The following COPB2 variants were observed in gnomAD, a reference collection of about 807,000 sequenced individuals.
COPB2 encodes coat protein complex I subunit beta 2.
In COPB2, 16 loss-of-function variants were observed where a neutral mutation model predicts 120.8. The observed-to-expected ratio is 0.13, with a 90% CI of 0.09 to 0.20. The LOEUF (loss-of-function observed/expected upper bound fraction) is 0.20, where lower values mean the gene tolerates loss of function less well. Ranked by LOEUF, COPB2 falls within the 10% of genes least tolerant of loss-of-function variation. The pLI, the probability that COPB2 is intolerant of heterozygous loss-of-function variation, is 1.00. For synonymous variants in COPB2, 332 were observed against 366.3 expected (o/e 0.91, Z 1.07); for missense variants, 794 against 1,076.5 (o/e 0.74, Z 3.67).
At chr3:139,380,424 T>C (rs1941789455) in intron 2 of COPB2, 1 of 152,198 alleles carries the variant, frequency 6.6e-6, no homozygotes, top group Admixed American at 6.5e-5. Context: ...TAATAAAATA[T>C]GAAAACACCG....
rs572974540 is a variant in COPB2 at position 139,363,836 on chromosome 3, C to T, written c.1885-1319G>A. On this transcript the variant is annotated intron_variant, in intron 15 of 21. Transcript: ENST00000333188. ...ACCCGCCCCGATCCATCCATGAATA[C>T]GATGTAAATAAGGCATTCTAAATAA... Among the ~76,000 whole-genome samples, 7 of 152,184 alleles carry T rather than the reference C, an allele frequency of 4.6e-5. No homozygotes were observed. The South Asian group carries it at 6.2e-4, about 14-fold the overall frequency.
intron 4 of COPB2, among the ~76,000 whole-genome samples, chr3:139,378,541 A>C (rs1941756715): frequency 6.6e-6 from 1 of 152,250 alleles, no homozygotes; most frequent in African/African-American, 2.4e-5. Context: ...TGTAGAGAAC[A>C]AGCATTTGCC....
chr3:139,375,020 T>C (rs372142703), intron 6 of COPB2, among the ~76,000 whole-genome samples: 2 of 152,342 alleles, frequency 1.3e-5, no homozygotes, highest in East Asian at 3.9e-4. Context: ...TTTTATTAAT[T>C]GCTTATGGGA....
At chr3:139,375,738 AT>A in intron 5 of COPB2, 124 bp from the exon 6 acceptor site, 2 of 1,185,242 alleles carry the variant, frequency 1.7e-6, no homozygotes, top group Non-Finnish European at 2.2e-6. Flanking sequence ...ATCAAATTTT[AT>A]TTTTTATCCT....
chr3:139,389,044 C>T, intron 1 of COPB2, among the ~76,000 whole-genome samples: 1 of 152,156 alleles, frequency 6.6e-6, no homozygotes, highest in East Asian at 1.9e-4. Flanking sequence ...CCCTTAGAAA[C>T]CTAACAGCTG....
intron 6 of COPB2, among the ~76,000 whole-genome samples, chr3:139,375,026 T>C (rs1941689678): frequency 6.6e-6 from 1 of 152,178 alleles, no homozygotes; most frequent in Non-Finnish European, 1.5e-5. Context: ...TAATTGCTTA[T>C]GGGAACTTTT....
At chr3:139,366,870 T>A (rs760876074) in intron 14 of COPB2, 95 bp from the exon 15 acceptor site, 420 of 1,490,498 alleles carry the variant, frequency 2.8e-4, no homozygotes, top group Non-Finnish European at 3.6e-4. Flanking sequence ...ACCTTCCCAT[T>A]TGATTGACAC....
At chr3:139,358,171 G>A in intron 21 of COPB2, 29 bp downstream of exon 21, 1 of 1,592,004 alleles carries the variant, frequency 6.3e-7, no homozygotes, top group Non-Finnish European at 8.6e-7. Context: ...ATGGGGTAGA[G>A]GGAGGTTTGA....
intron 1 of COPB2, among the ~76,000 whole-genome samples, chr3:139,387,506 C>A (rs1369578685): frequency 6.6e-6 from 1 of 152,122 alleles, no homozygotes; most frequent in Non-Finnish European, 1.5e-5. Flanking sequence ...TTCTAGTTAC[C>A]CTAGCCTGAA....
chr3:139,360,219 GAGA>G (rs756467506), intron 17 of COPB2, among the ~76,000 whole-genome samples: 10 of 150,750 alleles, frequency 6.6e-5, no homozygotes, highest in Admixed American at 3.3e-4. Flanking sequence ...CAGTATGTAG[GAGA>G]AGGTTAAAGA....
chr3:139,359,451 C>A, intron 17 of COPB2, 89 bp from the exon 18 acceptor site: 1 of 1,160,256 alleles, frequency 8.6e-7, no homozygotes, highest in East Asian at 2.4e-5. Flanking sequence ...TGTTACAAAG[C>A]CAAAAATCTC....
intron 4 of COPB2, among the ~76,000 whole-genome samples, chr3:139,378,709 A>G (rs918479471): frequency 6.6e-6 from 1 of 152,254 alleles, no homozygotes; most frequent in Non-Finnish European, 1.5e-5. Context: ...TAGTTTGAAT[A>G]TAAAGATTGA....
In COPB2 at chr3:139,364,658, T is replaced by C. The variant is rs879802990; in HGVS notation, c.1884+1910A>G. Among the ~76,000 whole-genome samples, 4 of 152,212 alleles carry C rather than the reference T, an allele frequency of 2.6e-5. No individual in the cohort carries two copies. The East Asian group carries it at 5.8e-4, about 22-fold the overall frequency. On this transcript the variant is annotated intron_variant, in intron 15 of 21. Coordinates refer to ENST00000333188, the MANE Select transcript of COPB2 (RefSeq NM_004766.3). ...TGCCTAGCACATTGTTAAGTGCTTG[T>C]TAAATTCATTACATAAATGGAAAGT...
intron 2 of COPB2, 64 bp downstream of exon 2, chr3:139,383,234 C>T (rs888467480): frequency 6.4e-7 from 1 of 1,563,034 alleles, no homozygotes; most frequent in Non-Finnish European, 8.8e-7. Flanking sequence ...TATTTCTTCT[C>T]TTTCATTATA....
chr3:139,375,366 T>C, intron 6 of COPB2, 102 bp downstream of exon 6: 1 of 1,174,248 alleles, frequency 8.5e-7, no homozygotes, highest in East Asian at 2.5e-5. Context: ...CCTTAAGTTA[T>C]TATGCTGTGA....
In COPB2 at chr3:139,369,491, T is replaced by C; in HGVS notation, c.1259A>G (p.Glu420Gly). The C allele has an allele frequency of 1.2e-6, 2 of 1,612,534 alleles. No homozygotes were observed. Among genetic ancestry groups the C allele is most frequent in the Non-Finnish European group, 1.7e-6 (2 of 1,179,240 alleles). Residue 420 changes from glutamate to glycine, a missense_variant, in exon 11 of 22, where the codon GAA becomes GGA. Transcript: ENST00000333188. Reference protein sequence around the residue: ...SIVKIFKNFKEKKSFKPDFGA... With the variant: ...SIVKIFKNFKGKKSFKPDFGA... ...AAAATCTGGTTTAAATGATTTTTTT[T>C]CCTTAAAGTTCTTAAATATCTTTAC...
intron 2 of COPB2, chr3:139,382,161 C>G (rs1941827446): frequency 6.6e-6 from 1 of 152,166 alleles, no homozygotes; most frequent in African/African-American, 2.4e-5. Flanking sequence ...CCACCCAAAT[C>G]TCATGTCAAA....
chr3:139,389,420 C>T, intron 1 of COPB2, 128 bp downstream of exon 1: 1 of 1,334,420 alleles, frequency 7.5e-7, no homozygotes. Flanking sequence ...ACCAAGACCC[C>T]GCAAGGCCTG....
rs1201249764 is a variant in COPB2, at chr3:139,383,420, T to C, written c.19A>G (p.Ile7Val). 3 of 1,565,516 alleles carry C rather than the reference T, an allele frequency of 1.9e-6. No individual in the cohort carries two copies. The African/African-American group carries it at 4.1e-5, about 21-fold the overall frequency. The change falls in exon 2 of 22, where the codon ATC (isoleucine) becomes GTC (valine). Residue 7 changes from isoleucine to valine, a missense_variant. Ile to Val is a conservative substitution (Grantham distance 29). Around this residue, in one of 3 missense-constraint regions of COPB2, gnomAD observed 610 missense variants for 866.7 expected, o/e 0.70. Transcript: ENST00000333188. MPLRLDIKRKLTARSDR... is the reference protein window; with the variant it reads MPLRLDVKRKLTARSDR... ...GATCTAGCAGTTAGCTTTCTTTTGA[T>C]ATCAAGTCGCAGAGGCTAAAAAGAA...
Sources: allele counts gnomAD v4.1 joint callset (sites outside exome capture counted in the v4.1 genomes callset), GRCh38; gene constraint gnomAD v4.1.1; regional missense constraint gnomAD v4.1.1; transcripts MANE v1.5; gene names NCBI Gene and HGNC (gene_info 2026-07-23, HGNC 2026-07-21).